MDGA2: variants seen among roughly 807,000 people sequenced by gnomAD.
The protein encoded by MDGA2 is MAM domain containing glycosylphosphatidylinositol anchor 2, also known as MAM domain-containing glycosylphosphatidylinositol anchor protein 2.
A neutral mutation model predicts 117.8 loss-of-function variants in MDGA2; 40 were observed. The ratio of observed to expected loss-of-function variants is 0.34; its 90% CI spans 0.26 to 0.44. The LOEUF is 0.44. Ranked by LOEUF, MDGA2 falls within the 20% of genes least tolerant of loss-of-function variation. MDGA2 has a pLI of 1.00. For missense variants in MDGA2, 1,123 were observed against 1,250.6 expected (o/e 0.90, Z 1.54); for synonymous variants, 452 against 439.0 (o/e 1.03, Z -0.37).
intron 1 of MDGA2, among the ~76,000 whole-genome samples, chr14:47,401,336 A>C (rs1892144637): frequency 6.6e-6 from 1 of 152,208 alleles, no homozygotes; most frequent in Admixed American, 6.5e-5. Context: ...TAATTAAAAA[A>C]GACTTTGAAA....
At position 46,955,230 on chromosome 14, in the gene MDGA2, G is replaced by A. The variant is rs1414286329; in HGVS notation, c.2089+2144C>T. Among the ~76,000 whole-genome samples the A allele has an allele frequency of 4.0e-5, 6 of 151,846 alleles. No homozygotes were observed. The East Asian group carries it at 1.2e-3, about 29-fold the overall frequency. On this transcript the variant is annotated intron_variant, in intron 9 of 16. Transcript: ENST00000399232. The stretch of plus-strand genomic sequence containing the variant: ...TATATAAGTAATATAGATAATACTT[G>A]GAATTTCAAATTTACAAATGGGCTT...
chr14:46,861,995 A>G (rs1323712786), intron 14 of MDGA2, among the ~76,000 whole-genome samples: 1 of 152,022 alleles, frequency 6.6e-6, no homozygotes, highest in Non-Finnish European at 1.5e-5. Context: ...AAAACTCTGA[A>G]GTGAATATGA....
Position 47,105,569 on chromosome 14 carries a change from C to T in MDGA2, c.926-8446G>A, listed in dbSNP as rs200817307. ...ATGCTGCTTGACCCCAATACAAACT[C>T]GACAGTAGTTCCAAATAGCCAGAAA... On this transcript the variant is annotated intron_variant, in intron 5 of 16. Transcript: ENST00000399232. 3.9e-5 allele frequency among the ~76,000 whole-genome samples: 6 copies of T among 152,090 alleles called. No homozygotes were observed. The East Asian group carries it at 7.8e-4, about 20-fold the overall frequency.
At chr14:46,955,460 T>G (rs754451307) in intron 9 of MDGA2, among the ~76,000 whole-genome samples, 98 of 152,100 alleles carry the variant, frequency 6.4e-4, no homozygotes, top group Non-Finnish European at 1.1e-3. Context: ...TAGTTAATTA[T>G]CTTTAACATG....
chr14:47,590,904 A>G (rs764453990), intron 1 of MDGA2, among the ~76,000 whole-genome samples: 1 of 152,056 alleles, frequency 6.6e-6, no homozygotes, highest in Admixed American at 6.6e-5. Context: ...GATCAACCAC[A>G]GTCAGAAGGA....
At chr14:47,264,490 G>A (rs1024129810) in intron 2 of MDGA2, among the ~76,000 whole-genome samples, 7 of 152,032 alleles carry the variant, frequency 4.6e-5, no homozygotes, top group East Asian at 3.9e-4. Context: ...GACATCGAAA[G>A]TCTTTTTTAA....
At chr14:47,252,056 C>G (rs1297858950) in intron 2 of MDGA2, among the ~76,000 whole-genome samples, 1 of 152,050 alleles carries the variant, frequency 6.6e-6, no homozygotes, top group African/African-American at 2.4e-5. Flanking sequence ...CCTTCTTCCT[C>G]TACTGCCATG....
intron 1 of MDGA2, among the ~76,000 whole-genome samples, chr14:47,582,132 TG>T (rs1206009428): frequency 4.6e-5 from 7 of 151,910 alleles, no homozygotes; most frequent in Non-Finnish European, 1.0e-4. Flanking sequence ...ACATTAGCTA[TG>T]GTGTTGTTGT....
chr14:47,340,830 T>C (rs1566746036), intron 1 of MDGA2, among the ~76,000 whole-genome samples: 1 of 152,176 alleles, frequency 6.6e-6, no homozygotes, highest in African/African-American at 2.4e-5. Context: ...TAAATGAAAT[T>C]TGTTTATTTC....
At chr14:46,881,363 G>A (rs191467100) in intron 11 of MDGA2, among the ~76,000 whole-genome samples, 5 of 152,240 alleles carry the variant, frequency 3.3e-5, no homozygotes, top group African/African-American at 1.2e-4. Flanking sequence ...GGAGAAAGGA[G>A]AGATAAATGG....
chr14:47,217,624 T>C (rs1886141702), intron 3 of MDGA2, among the ~76,000 whole-genome samples: 1 of 151,826 alleles, frequency 6.6e-6, no homozygotes, highest in Non-Finnish European at 1.5e-5. Context: ...AATAGCTGTA[T>C]TCACATGTAG....
intron 1 of MDGA2, among the ~76,000 whole-genome samples, chr14:47,543,296 G>T (rs919067507): frequency 6.6e-6 from 1 of 152,134 alleles, no homozygotes; most frequent in African/African-American, 2.4e-5. Context: ...AAAACAAAAA[G>T]AATGGGAAGT....
intron 9 of MDGA2, among the ~76,000 whole-genome samples, chr14:46,945,841 G>A (rs769746161): frequency 1.1e-4 from 16 of 152,012 alleles, no homozygotes; most frequent in African/African-American, 2.2e-4. Flanking sequence ...TTTTATGGTC[G>A]TTTGTAGTAG....
chr14:46,991,199 A>G (rs1464862035), intron 8 of MDGA2, among the ~76,000 whole-genome samples: 1 of 152,160 alleles, frequency 6.6e-6, no homozygotes, highest in Admixed American at 6.6e-5. Context: ...GTTTGACAGG[A>G]GCATCAAGAT....
chr14:47,357,976 C>A (rs1376814497), intron 1 of MDGA2, among the ~76,000 whole-genome samples: 1 of 152,104 alleles, frequency 6.6e-6, no homozygotes, highest in Admixed American at 6.5e-5. Flanking sequence ...AACCCATAGT[C>A]CCTGGGTTTT....
At chr14:46,878,549 A>G (rs1276391052) in intron 11 of MDGA2, among the ~76,000 whole-genome samples, 1 of 152,048 alleles carries the variant, frequency 6.6e-6, no homozygotes, top group Non-Finnish European at 1.5e-5. Flanking sequence ...ACAAATGATA[A>G]ATTTTAACAG....
intron 1 of MDGA2, among the ~76,000 whole-genome samples, chr14:47,479,316 C>G (rs1393509295): frequency 6.7e-6 from 1 of 148,830 alleles, no homozygotes; most frequent in Admixed American, 6.7e-5. Context: ...CCCAAAGGTG[C>G]AAAGTGTGCA....
At chr14:47,656,996 T>TCACAC (rs1897757157) in intron 1 of MDGA2, among the ~76,000 whole-genome samples, 1 of 152,142 alleles carries the variant, frequency 6.6e-6, no homozygotes, top group African/African-American at 2.4e-5. Flanking sequence ...CTTAGAATCC[T>TCACAC]CACACCGTGC....
chr14:46,900,151 CTAAA>C (rs1357901474), intron 10 of MDGA2, among the ~76,000 whole-genome samples: 1 of 152,016 alleles, frequency 6.6e-6, no homozygotes, highest in Non-Finnish European at 1.5e-5. Context: ...CAAATTAAAA[CTAAA>C]TAGATATGAC....
Sources: gnomAD v4.1 joint callset for allele counts (sites outside exome capture counted in the v4.1 genomes callset) on GRCh38, gnomAD v4.1.1 for gene constraint, MANE v1.5 for transcripts, NCBI Gene and HGNC (gene_info 2026-07-23, HGNC 2026-07-21) for gene names.